Variants in KIRREL3 observed in about 807,000 individuals in gnomAD.
KIRREL3 encodes kin of IRRE-like protein 3.
KIRREL3 carries 36 observed loss-of-function variants against 89.7 expected under a neutral mutation model. That is an observed-to-expected ratio of 0.40 (90% CI 0.31 to 0.53). The LOEUF (loss-of-function observed/expected upper bound fraction) is 0.53, where lower values mean the gene tolerates loss of function less well. Ranked by LOEUF, KIRREL3 falls within the 20% of genes least tolerant of loss-of-function variation. The pLI is 0.49. For missense variants in KIRREL3, 864 were observed against 1,056.6 expected, an observed-to-expected ratio of 0.82 and a Z score of 2.53; for synonymous variants, 445 against 441.4, an observed-to-expected ratio of 1.01 and a Z score of -0.10.
Position 126,788,755 on chromosome 11 carries a change from A to G in KIRREL3, c.55+211700T>C, listed in dbSNP as rs540105315. Reference sequence around the variant, plus strand: ...TTGATCTGGAAGCCGTCAGAGTTCAATCTGGAGTCATCCAGGCAGCTGCAT... The same window carrying G: ...TTGATCTGGAAGCCGTCAGAGTTCAGTCTGGAGTCATCCAGGCAGCTGCAT... On this transcript the variant is annotated intron_variant, in intron 1 of 16. Transcript: ENST00000525144. The surrounding 1 kb of genome is among the most constrained non-coding windows in gnomAD (Gnocchi z 4.1). 6.6e-6 allele frequency among the ~76,000 whole-genome samples: 1 copy of G among 152,202 alleles called. No individual in the cohort carries two copies. Among genetic ancestry groups the G allele is most frequent in the Non-Finnish European group, 1.5e-5 (1 of 68,034 alleles).
rs1945784550 is a variant in KIRREL3, at chr11:126,668,704, T to TCTTC, written c.56-105793_56-105792insGAAG. ...TGGGAAGTTTCTGTTTTTCTTTCTT[T>TCTTC]CTTTCTTTCTTTCTTTCTTTCTTTC... is the stretch of plus-strand genomic sequence containing the variant. On this transcript the variant is annotated intron_variant, in intron 1 of 16. Coordinates refer to ENST00000525144, the MANE Select transcript of KIRREL3 (RefSeq NM_032531.4). The surrounding 1 kb of genome is among the most constrained non-coding windows in gnomAD (Gnocchi z 4.4). 1.3e-5 allele frequency among the ~76,000 whole-genome samples: 1 copy of TCTTC among 74,138 alleles called. No individual in the cohort carries two copies. Among genetic ancestry groups the TCTTC allele is most frequent in the Non-Finnish European group, 3.2e-5 (1 of 31,096 alleles). The allele number at this position is 74,138 out of a possible 152,430, so 48.6% of individuals were successfully genotyped here.
rs1397384345 is a variant in KIRREL3 at position 126,896,310 on chromosome 11, G to A, written c.55+104145C>T. ...TCTGCTAGTCTGCAAGGATGAACAT[G>A]GTCCATGAGAAATAGCAGCATCTCC... On this transcript the variant is annotated intron_variant, in intron 1 of 16. Transcript: ENST00000525144. The surrounding 1 kb of genome is among the most constrained non-coding windows in gnomAD (Gnocchi z 4.1). Among the ~76,000 whole-genome samples the A allele has an allele frequency of 1.3e-5, 2 of 152,180 alleles. No individual in the cohort carries two copies. The highest frequency in any genetic ancestry group is 2.4e-5 in the African/African-American group (1 of 41,450).
chr11:126,977,090 A>C lies in KIRREL3; in HGVS notation c.55+23365T>G, dbSNP rs1361948587. Among the ~76,000 whole-genome samples, 1 of 152,150 alleles carries C rather than the reference A, an allele frequency of 6.6e-6. No homozygotes were observed. Among genetic ancestry groups the C allele is most frequent in the Non-Finnish European group, 1.5e-5 (1 of 68,024 alleles). ...TTCTTCTTCCTTCTTGAAACCTAAA[A>C]AAATCTCTCTTTTCCTTTTTTCTTT... On this transcript the variant is annotated intron_variant, in intron 1 of 16. Transcript: ENST00000525144. The surrounding 1 kb of genome is among the most constrained non-coding windows in gnomAD (Gnocchi z 4.7).
At chr11:126,733,776 C>T (rs548676836) in intron 1 of KIRREL3, among the ~76,000 whole-genome samples, 4 of 151,954 alleles carry the variant, frequency 2.6e-5, no homozygotes, top group Non-Finnish European at 2.9e-5. Context: ...GTGATTTGAA[C>T]GGGTTGCTGC....
intron 1 of KIRREL3, among the ~76,000 whole-genome samples, chr11:126,933,754 T>A (rs1426240990): frequency 7.2e-6 from 1 of 138,986 alleles, no homozygotes; most frequent in Non-Finnish European, 1.5e-5. Flanking sequence ...AGAAGTGAAA[T>A]ACTTGTACAA....
At position 126,896,181 on chromosome 11, in the gene KIRREL3, A is replaced by G. The variant is rs1040809193; in HGVS notation, c.55+104274T>C. Among the ~76,000 whole-genome samples the G allele has an allele frequency of 3.3e-5, 5 of 152,268 alleles. No homozygotes were observed. The highest frequency in any genetic ancestry group is 2.1e-4 in the South Asian group (1 of 4,838). On this transcript the variant is annotated intron_variant, in intron 1 of 16. Coordinates refer to ENST00000525144, the MANE Select transcript of KIRREL3 (RefSeq NM_032531.4). This position sits in a 1 kb window ranked among gnomAD's most constrained non-coding sequence, Gnocchi z 4.1. ...TGGACCTGTTAAAGGCAAGGCCTTC[A>G]TTAGTCAGAGAGAAGTCATTCTCCA...
chr11:126,435,693 A>G (rs1319899135), intron 12 of KIRREL3, among the ~76,000 whole-genome samples: 1 of 152,216 alleles, frequency 6.6e-6, no homozygotes. Context: ...AGCAGCACCT[A>G]TTAGGGAAGA....
rs960484471 is a variant in KIRREL3 at position 126,703,749 on chromosome 11, C to A, written c.56-140837G>T. Among the ~76,000 whole-genome samples the A allele has an allele frequency of 1.3e-5, 2 of 152,236 alleles. No individual in the cohort carries two copies. The highest frequency in any genetic ancestry group is 4.8e-5 in the African/African-American group (2 of 41,464). The stretch of plus-strand genomic sequence containing the variant: ...TGGGCCAGTGTTTCCGTGCCAGAAA[C>A]CCTGTCTCAGAGGGCAGGAAAGAGA... On this transcript the variant is annotated intron_variant, in intron 1 of 16. Transcript: ENST00000525144. The surrounding 1 kb of genome is among the most constrained non-coding windows in gnomAD (Gnocchi z 4.6).
At chr11:126,581,833 T>C (rs558681521) in intron 1 of KIRREL3, among the ~76,000 whole-genome samples, 1 of 152,282 alleles carries the variant, frequency 6.6e-6, no homozygotes, top group East Asian at 1.9e-4. Context: ...CGAGAGGCTC[T>C]GCTGTCCTGA....
chr11:126,456,057 T>TTTTTTTTTTTTTTTTTTTTTC (rs147218473), intron 7 of KIRREL3, among the ~76,000 whole-genome samples: 1 of 109,744 alleles, frequency 9.1e-6, no homozygotes, highest in Non-Finnish European at 1.8e-5. Flanking sequence ...TTTTTTTTTT[T>TTTTTTTTTTTTTTTTTTTTTC]CCTGAGCCTT....
rs1240047204 is a variant in KIRREL3, at chr11:126,477,750, G to A, written c.434-4284C>T. 6.6e-6 allele frequency among the ~76,000 whole-genome samples: 1 copy of A among 152,118 alleles called. No homozygotes were observed. The highest frequency in any genetic ancestry group is 2.4e-5 in the African/African-American group (1 of 41,424). ...GGTCACCCAACTGAGACCTGGCTGG[G>A]CTTCCAGGAATTCCTCGATGCTCCA... On this transcript the variant is annotated intron_variant, in intron 4 of 16. Coordinates refer to ENST00000525144, the MANE Select transcript of KIRREL3 (RefSeq NM_032531.4). This position sits in a 1 kb window ranked among gnomAD's most constrained non-coding sequence, Gnocchi z 4.8.
rs1946598259 is a variant in KIRREL3 at position 126,906,716 on chromosome 11, A to G, written c.55+93739T>C. Among the ~76,000 whole-genome samples, 1 of 152,236 alleles carries G rather than the reference A, an allele frequency of 6.6e-6. No homozygotes were observed. Among genetic ancestry groups the G allele is most frequent in the South Asian group, 2.1e-4 (1 of 4,828 alleles). On this transcript the variant is annotated intron_variant, in intron 1 of 16. Coordinates refer to ENST00000525144, the MANE Select transcript of KIRREL3 (RefSeq NM_032531.4). The surrounding 1 kb of genome is among the most constrained non-coding windows in gnomAD (Gnocchi z 4.1). ...AACTGCACGCATTATAAGGCAAATT[A>G]GATCCTGAAAGTCTGCACTGCACTC... is the stretch of plus-strand genomic sequence containing the variant.
intron 1 of KIRREL3, among the ~76,000 whole-genome samples, chr11:126,775,980 A>T (rs1006193385): frequency 7.2e-5 from 11 of 152,188 alleles, no homozygotes; most frequent in Admixed American, 6.5e-4. Context: ...GATGGACGAC[A>T]GTACTTTCTG....
At chr11:126,846,620 T>C (rs1821123471) in intron 1 of KIRREL3, among the ~76,000 whole-genome samples, 1 of 151,844 alleles carries the variant, frequency 6.6e-6, no homozygotes, top group Non-Finnish European at 1.5e-5. Flanking sequence ...TAAAAATTGC[T>C]AAGAGTTAAC....
At chr11:126,538,677 T>C (rs1938114945) in intron 2 of KIRREL3, among the ~76,000 whole-genome samples, 1 of 152,100 alleles carries the variant, frequency 6.6e-6, no homozygotes, top group Non-Finnish European at 1.5e-5. Flanking sequence ...TGGATTTTTA[T>C]GGAGGTTCTA....
At chr11:126,548,517 A>G (rs556947662) in intron 2 of KIRREL3, among the ~76,000 whole-genome samples, 1 of 152,298 alleles carries the variant, frequency 6.6e-6, no homozygotes, top group Non-Finnish European at 1.5e-5. Context: ...AGCACTTCTC[A>G]GAGTTTCTTA....
rs1302035305 is a variant in KIRREL3, at chr11:126,485,231, G to A, written c.434-11765C>T. 1.3e-5 allele frequency among the ~76,000 whole-genome samples: 2 copies of A among 152,188 alleles called. No homozygotes were observed. The highest frequency in any genetic ancestry group is 1.9e-4 in the East Asian group (1 of 5,194). ...AGAAAAGAGGAACAAGGAGCAAGAC[G>A]CAGGTTTAGGATGATGGCATGTAGC... On this transcript the variant is annotated intron_variant, in intron 4 of 16. Transcript: ENST00000525144. This position sits in a 1 kb window ranked among gnomAD's most constrained non-coding sequence, Gnocchi z 5.8.
Position 126,811,452 on chromosome 11 carries a change from G to C in KIRREL3, c.55+189003C>G, listed in dbSNP as rs148978658. 2.3e-3 allele frequency among the ~76,000 whole-genome samples: 353 copies of C among 152,342 alleles called. 1 individual carries two copies. Among genetic ancestry groups the C allele is most frequent in the African/African-American group, 8.2e-3 (342 of 41,584 alleles). ...AACCCTGAAAAGTGTCTAGCACATA[G>C]AGTATTCTCATAGCTGTTGACAAAC... On this transcript the variant is annotated intron_variant, in intron 1 of 16. Coordinates refer to ENST00000525144, the MANE Select transcript of KIRREL3 (RefSeq NM_032531.4). This position sits in a 1 kb window ranked among gnomAD's most constrained non-coding sequence, Gnocchi z 4.3.
rs1565515359 is a variant in KIRREL3 at position 126,515,649 on chromosome 11, G to A, written c.433+5666C>T. Among the ~76,000 whole-genome samples, 2 of 152,182 alleles carry A rather than the reference G, an allele frequency of 1.3e-5. No homozygotes were observed. Among genetic ancestry groups the A allele is most frequent in the African/African-American group, 2.4e-5 (1 of 41,440 alleles). On this transcript the variant is annotated intron_variant, in intron 4 of 16. Coordinates refer to ENST00000525144, the MANE Select transcript of KIRREL3 (RefSeq NM_032531.4). The surrounding 1 kb of genome is among the most constrained non-coding windows in gnomAD (Gnocchi z 4.2). ...ATGAGGGCCCAGAGGCTTGGTGAGC[G>A]GAAGGAGATGCCAGCTGCTTGTTAG...
Sources: gnomAD v4.1 joint callset for allele counts (sites outside exome capture counted in the v4.1 genomes callset) on GRCh38, gnomAD v4.1.1 for gene constraint, Gnocchi (gnomAD v3.1) non-coding constraint, MANE v1.5 for transcripts, NCBI Gene and HGNC (gene_info 2026-07-23, HGNC 2026-07-21) for gene names.